The following ITPR1 variants were observed in gnomAD, a reference collection of about 807,000 sequenced individuals.
ITPR1 encodes inositol 1,4,5-trisphosphate-gated calcium channel ITPR1.
In ITPR1, 96 loss-of-function variants were observed where a neutral mutation model predicts 318.4. The ratio of observed to expected loss-of-function variants is 0.30; its 90% CI spans 0.26 to 0.36. The LOEUF (loss-of-function observed/expected upper bound fraction) is 0.36, where lower values mean the gene tolerates loss of function less well. ITPR1 is among the 10% of genes least tolerant of loss of function. The probability of loss-of-function intolerance (pLI) is 1.00; values close to 1 mark genes in which losing one functional copy is unlikely to be tolerated. For missense variants in ITPR1, 2,440 were observed against 3,460.2 expected (o/e 0.71, Z 7.40); for synonymous variants, 1,312 against 1,289.9 (o/e 1.02, Z -0.37).
At chr3:4,653,745 C>G in intron 11 of ITPR1, 97 bp from the exon 12 acceptor site, 1 of 802,546 alleles carries the variant, frequency 1.2e-6, no homozygotes, top group Non-Finnish European at 2.1e-6. Flanking sequence ...CTTAGCTGTT[C>G]AAGGATGTTT....
At chr3:4,519,463 G>A (rs1490455670) in intron 3 of ITPR1, among the ~76,000 whole-genome samples, 1 of 152,138 alleles carries the variant, frequency 6.6e-6, no homozygotes, top group African/African-American at 2.4e-5. Flanking sequence ...TTGACCTCGT[G>A]ATCCGCCTGT....
At chr3:4,502,718 C>T (rs1024825090) in intron 2 of ITPR1, among the ~76,000 whole-genome samples, 2 of 151,944 alleles carry the variant, frequency 1.3e-5, no homozygotes, top group African/African-American at 4.8e-5. Context: ...GGATTACAGG[C>T]GTGATCCACT....
intron 44 of ITPR1, among the ~76,000 whole-genome samples, chr3:4,744,067 G>A (rs376221384): frequency 3.9e-5 from 6 of 152,172 alleles, no homozygotes; most frequent in Non-Finnish European, 5.9e-5. Context: ...AGCTCCAGAC[G>A]TCAAGTGATC....
intron 4 of ITPR1, among the ~76,000 whole-genome samples, chr3:4,568,610 C>T (rs996096082): frequency 6.6e-6 from 1 of 152,032 alleles, no homozygotes; most frequent in African/African-American, 2.4e-5. Context: ...AGATAGTGAC[C>T]AGGTAGACAG....
intron 44 of ITPR1, among the ~76,000 whole-genome samples, chr3:4,740,523 G>T (rs2043624361): frequency 6.6e-6 from 1 of 152,128 alleles, no homozygotes. Flanking sequence ...TGGAGGGTTT[G>T]CTCCCTTATT....
At chr3:4,507,295 G>C (rs974055884) in intron 2 of ITPR1, among the ~76,000 whole-genome samples, 1 of 152,108 alleles carries the variant, frequency 6.6e-6, no homozygotes, top group Admixed American at 6.6e-5. Context: ...TTGTGAAATA[G>C]TTTTGACCTT....
intron 2 of ITPR1, among the ~76,000 whole-genome samples, chr3:4,499,906 G>A (rs1334423234): frequency 1.3e-5 from 2 of 152,126 alleles, no homozygotes; most frequent in Non-Finnish European, 2.9e-5. Context: ...CCAGTAGCTG[G>A]GACTCCAGTA....
rs1299068401 is a variant in ITPR1, at chr3:4,627,751, C to T, written c.164-12C>T. ...CTCAATGGCAATTTCTGTTTGTTTG[C>T]TTCACTTCTAGACTGCCTCTTTAAG... On this transcript the variant is annotated splice_polypyrimidine_tract_variant and intron_variant, in intron 4 of 61. Coordinates refer to ENST00000649015, the MANE Select transcript of ITPR1 (RefSeq NM_001378452.1). 1.9e-6 allele frequency: 3 copies of T among 1,573,024 alleles called. No homozygotes were observed. Among genetic ancestry groups the T allele is most frequent in the Non-Finnish European group, 2.6e-6 (3 of 1,143,082 alleles).
intron 61 of ITPR1, among the ~76,000 whole-genome samples, chr3:4,839,852 C>T (rs538308106): frequency 2.6e-5 from 4 of 152,164 alleles, no homozygotes; most frequent in African/African-American, 9.6e-5. Flanking sequence ...CAGTTGGAAC[C>T]ACTCTTCAGA....
At chr3:4,775,214 A>C in intron 46 of ITPR1, 28 bp from the exon 47 acceptor site, 1 of 1,557,654 alleles carries the variant, frequency 6.4e-7, no homozygotes, top group Non-Finnish European at 8.9e-7. Context: ...GCCTTTGCTC[A>C]CCGAACCTGG....
At chr3:4,602,357 T>TAAC (rs966683191) in intron 4 of ITPR1, among the ~76,000 whole-genome samples, 47 of 151,950 alleles carry the variant, frequency 3.1e-4, no homozygotes, top group African/African-American at 8.4e-4. Context: ...CTGTCTCTGC[T>TAAC]AACAACAACA....
chr3:4,757,575 T>C (rs1267593338), intron 44 of ITPR1, among the ~76,000 whole-genome samples: 1 of 152,154 alleles, frequency 6.6e-6, no homozygotes, highest in African/African-American at 2.4e-5. Flanking sequence ...GGAACAGGGC[T>C]GAGGCGTCGG....
chr3:4,799,053 A>G (rs1217433498), intron 53 of ITPR1, among the ~76,000 whole-genome samples: 1 of 152,236 alleles, frequency 6.6e-6, no homozygotes, highest in Non-Finnish European at 1.5e-5. Context: ...AACTGCCAAG[A>G]TTCACCAAAT....
At chr3:4,842,871 A>C (rs1164807261) in intron 61 of ITPR1, among the ~76,000 whole-genome samples, 1 of 152,180 alleles carries the variant, frequency 6.6e-6, no homozygotes, top group African/African-American at 2.4e-5. Flanking sequence ...AGTAACAGAC[A>C]ATAATGATGC....
intron 7 of ITPR1, 109 bp from the exon 8 acceptor site, chr3:4,644,027 G>T: frequency 1.4e-6 from 1 of 704,384 alleles, no homozygotes. Flanking sequence ...GCTGGGGATA[G>T]GCCTTGCCTT....
chr3:4,621,072 T>C (rs1021045078), intron 4 of ITPR1, among the ~76,000 whole-genome samples: 1 of 151,940 alleles, frequency 6.6e-6, no homozygotes, highest in African/African-American at 2.4e-5. Flanking sequence ...ATTCTCGGTG[T>C]CCATTCCTCT....
intron 33 of ITPR1, among the ~76,000 whole-genome samples, chr3:4,695,591 C>G (rs1469926530): frequency 3.3e-5 from 5 of 152,158 alleles, no homozygotes; most frequent in Non-Finnish European, 5.9e-5. Flanking sequence ...TAACCACAAG[C>G]TGATTTTTAT....
chr3:4,520,488 G>T (rs2082476276), intron 3 of ITPR1, among the ~76,000 whole-genome samples: 1 of 152,128 alleles, frequency 6.6e-6, no homozygotes, highest in Non-Finnish European at 1.5e-5. Flanking sequence ...TCTTCCAGTA[G>T]TTCCATTAGA....
chr3:4,680,815 A>G lies in ITPR1; in HGVS notation c.3106+124A>G, dbSNP rs985311072. 17 of 802,996 alleles carry G rather than the reference A, an allele frequency of 2.1e-5. No homozygotes were observed. In the East Asian group the frequency reaches 3.2e-4, roughly 15 times the overall value. 49.7% of individuals were successfully genotyped at this position (802,996 alleles called of 1,614,324 possible). A position where few individuals can be genotyped will look rare whatever the true frequency, so the allele number is the denominator to read the frequency against. ...GTTTTGAGGATTATTGCACCAGGGC[A>G]TCATCCTGGCAGTTACTCTTTTTGA... On this transcript the variant is annotated intron_variant, in intron 25 of 61. Transcript: ENST00000649015.
Sources: allele counts gnomAD v4.1 joint callset (sites outside exome capture counted in the v4.1 genomes callset), GRCh38; gene constraint gnomAD v4.1.1; transcripts MANE v1.5; gene names NCBI Gene and HGNC (gene_info 2026-07-23, HGNC 2026-07-21).